The following CCDC171 variants were observed in gnomAD, a reference collection of about 807,000 sequenced individuals.
CCDC171 encodes coiled-coil domain containing 171, also known as coiled-coil domain-containing protein 171.
Under a neutral mutation model 168.2 loss-of-function variants are expected in CCDC171, and 177 were observed. That is an observed-to-expected ratio of 1.05 (90% CI 0.93 to 1.19). The LOEUF is 1.19. Among genes scored for constraint, CCDC171 ranks in the 50% most tolerant of loss-of-function variants. CCDC171 has a pLI of 0.00. For synonymous variants in CCDC171, 687 were observed against 540.8 expected (o/e 1.27, Z -3.75); for missense variants, 1,991 against 1,539.0 (o/e 1.29, Z -4.91).
At chr9:15,778,706 C>A (rs1375566567) in intron 19 of CCDC171, among the ~76,000 whole-genome samples, 1 of 148,588 alleles carries the variant, frequency 6.7e-6, no homozygotes, top group African/African-American at 2.5e-5. Context: ...TCTATAAATG[C>A]ACTGCAACAG....
chr9:15,567,477 G>C (rs886116393), intron 2 of CCDC171, among the ~76,000 whole-genome samples: 5 of 152,168 alleles, frequency 3.3e-5, no homozygotes, highest in African/African-American at 1.2e-4. Context: ...CTGCAAAAAT[G>C]TCTGTTGGGG....
chr9:15,859,656 T>G (rs2061480203), intron 23 of CCDC171, among the ~76,000 whole-genome samples: 1 of 145,270 alleles, frequency 6.9e-6, no homozygotes, highest in Non-Finnish European at 1.5e-5. Context: ...TGTTTTGTTT[T>G]GTTTTGTTTT....
At chr9:15,801,054 AGTTTT>A (rs1292834249) in intron 21 of CCDC171, among the ~76,000 whole-genome samples, 3 of 151,826 alleles carry the variant, frequency 2.0e-5, no homozygotes, top group Non-Finnish European at 2.9e-5. Flanking sequence ...GGATTCCTCC[AGTTTT>A]GTTCTTTTTG....
intron 3 of CCDC171, among the ~76,000 whole-genome samples, chr9:15,995,939 C>G (rs1832356183): frequency 6.6e-6 from 1 of 152,114 alleles, no homozygotes; most frequent in South Asian, 2.1e-4. Context: ...CAGTGTTTTT[C>G]TATTTTTCAT....
chr9:15,678,526 T>A (rs1218205667), intron 9 of CCDC171, among the ~76,000 whole-genome samples: 5 of 152,200 alleles, frequency 3.3e-5, no homozygotes, highest in African/African-American at 1.2e-4. Context: ...CTATTTTGCT[T>A]ATAGCCTTGG....
intron 18 of CCDC171, among the ~76,000 whole-genome samples, chr9:15,770,896 T>C (rs1249647106): frequency 4.6e-5 from 7 of 152,176 alleles, no homozygotes; most frequent in African/African-American, 1.7e-4. Flanking sequence ...TCTACGAGTA[T>C]CCCATACATG....
At chr9:15,868,754 T>C (rs2061900193) in intron 23 of CCDC171, among the ~76,000 whole-genome samples, 1 of 151,986 alleles carries the variant, frequency 6.6e-6, no homozygotes, top group South Asian at 2.1e-4. Flanking sequence ...TGTTTGGCGC[T>C]AAGAGCACTA....
At chr9:15,905,178 G>C in intron 24 of CCDC171, among the ~76,000 whole-genome samples, 1 of 152,062 alleles carries the variant, frequency 6.6e-6, no homozygotes, top group East Asian at 1.9e-4. Context: ...AGACCTAATA[G>C]ACATCTACAG....
At chr9:16,037,961 C>T (rs1833503367), upstream of CCDC171, among the ~76,000 whole-genome samples, 2 of 152,130 alleles carry the variant, frequency 1.3e-5, no homozygotes. Context: ...TACAGTAAGT[C>T]ATGAGCTGAA....
intron 25 of CCDC171, among the ~76,000 whole-genome samples, chr9:15,965,919 G>A (rs1259237026): frequency 2.0e-5 from 3 of 152,112 alleles, no homozygotes; most frequent in Non-Finnish European, 2.9e-5. Flanking sequence ...ATCTAATTGC[G>A]ACATAATCTG....
chr9:15,679,175 A>G (rs2049863128), intron 10 of CCDC171, among the ~76,000 whole-genome samples: 2 of 152,134 alleles, frequency 1.3e-5, no homozygotes, highest in Non-Finnish European at 1.5e-5. Flanking sequence ...TTTATCGTGC[A>G]TAAAACAGTA....
intron 18 of CCDC171, among the ~76,000 whole-genome samples, chr9:15,758,731 G>T (rs1360890271): frequency 6.6e-6 from 1 of 152,150 alleles, no homozygotes; most frequent in Non-Finnish European, 1.5e-5. Context: ...GAATCATGGG[G>T]TTAGTTTCCC....
intron 4 of CCDC171, among the ~76,000 whole-genome samples, chr9:15,590,843 CTTTCT>C (rs2041958006): frequency 9.1e-6 from 1 of 110,400 alleles, no homozygotes; most frequent in South Asian, 2.8e-4. Context: ...CTTCTTCTTT[CTTTCT>C]TTCTTTTTTC....
At chr9:16,048,353 G>T (rs1028423414) in intron 1 of CCDC171, among the ~76,000 whole-genome samples, 26 of 152,342 alleles carry the variant, frequency 1.7e-4, no homozygotes, top group Admixed American at 1.6e-3. Context: ...TCTGAGGAGG[G>T]AGCTGGCTGA....
intron 6 of CCDC171, among the ~76,000 whole-genome samples, chr9:15,596,326 G>C (rs1335942756): frequency 1.3e-5 from 2 of 151,774 alleles, no homozygotes; most frequent in Non-Finnish European, 2.9e-5. Flanking sequence ...TTTGTATAAG[G>C]TGTAAGGAAG....
chr9:15,602,115 A>G (rs1442979271), intron 6 of CCDC171, among the ~76,000 whole-genome samples: 2 of 152,190 alleles, frequency 1.3e-5, no homozygotes, highest in East Asian at 3.8e-4. Context: ...GTAATTTGTA[A>G]CTGGAATGTT....
At chr9:16,106,952 G>C in the CCDC171 span, among the ~76,000 whole-genome samples, 1 of 152,096 alleles carries the variant, frequency 6.6e-6, no homozygotes, top group African/African-American at 2.4e-5. Context: ...GGGGACCCAG[G>C]CTGCCTCTTC....
intron 21 of CCDC171, among the ~76,000 whole-genome samples, chr9:15,815,466 T>G (rs2059533302): frequency 8.9e-6 from 1 of 111,868 alleles, no homozygotes; most frequent in African/African-American, 3.4e-5. Context: ...AAATTTCAAA[T>G]GGAGTAATCA....
chr9:15,993,610 G>C (rs1046243947), intron 3 of CCDC171, among the ~76,000 whole-genome samples: 4 of 152,080 alleles, frequency 2.6e-5, no homozygotes, highest in Non-Finnish European at 5.9e-5. Context: ...TAATTAAACT[G>C]AAGAGCTTCT....
Sources: allele counts gnomAD v4.1 joint callset (sites outside exome capture counted in the v4.1 genomes callset), GRCh38; gene constraint gnomAD v4.1.1; transcripts MANE v1.5; gene names NCBI Gene and HGNC (gene_info 2026-07-23, HGNC 2026-07-21).